The following BET1 variants were observed in gnomAD, a reference collection of about 807,000 sequenced individuals.
BET1 encodes Bet1 golgi vesicular membrane trafficking protein, also known as BET1 homolog.
BET1 carries 9 observed loss-of-function variants against 13.9 expected under a neutral mutation model. The observed-to-expected ratio is 0.65, with a 90% CI of 0.39 to 1.13. The LOEUF is 1.13. BET1 is among the 50% of genes most tolerant of loss of function. The pLI, the probability that BET1 is intolerant of heterozygous loss-of-function variation, is 0.01. For missense variants in BET1, 127 were observed against 133.6 expected, an observed-to-expected ratio of 0.95 and a Z score of 0.24; for synonymous variants, 39 against 47.3, an observed-to-expected ratio of 0.82 and a Z score of 0.72.
chr7:93,968,295 A>G (rs971915463), intron 6 of BET1: 1 of 151,886 alleles, frequency 6.6e-6, no homozygotes, highest in Non-Finnish European at 1.5e-5. Context: ...TTTACCAGAC[A>G]AGAATATCCA....
At chr7:93,970,740 G>T (rs1443362240) in intron 6 of BET1, among the ~76,000 whole-genome samples, 2 of 151,608 alleles carry the variant, frequency 1.3e-5, no homozygotes, top group Non-Finnish European at 3.0e-5. Flanking sequence ...GGGAATAAAT[G>T]TGTTAAATAT....
chr7:93,964,193 G>C (rs1318235043), exon 7 of BET1: 1 of 152,040 alleles, frequency 6.6e-6, no homozygotes, highest in Non-Finnish European at 1.5e-5. Context: ...GCATGATGCT[G>C]AGGTTTGAGA....
chr7:93,998,852 G>C (rs1293355069), intron 2 of BET1, among the ~76,000 whole-genome samples: 1 of 136,144 alleles, frequency 7.3e-6, no homozygotes, highest in East Asian at 2.5e-4. Context: ...TAGAAGGCTA[G>C]ATTAAAAAAA....
exon 5 of BET1, chr7:93,975,956 G>T: frequency 8.0e-7 from 1 of 1,256,064 alleles, no homozygotes; most frequent in Non-Finnish European, 1.0e-6. Flanking sequence ...GACATGTCAT[G>T]ATATAATTCT....
At chr7:93,988,950 A>AAT (rs58468732), downstream of BET1, among the ~76,000 whole-genome samples, 429 of 147,790 alleles carry the variant, frequency 2.9e-3, no homozygotes, top group African/African-American at 5.6e-3. Flanking sequence ...TAAACATATA[A>AAT]ATATATATAT....
At chr7:93,971,333 T>G (rs1399931252) in intron 6 of BET1, among the ~76,000 whole-genome samples, 1 of 151,764 alleles carries the variant, frequency 6.6e-6, no homozygotes, top group Non-Finnish European at 1.5e-5. Flanking sequence ...CTAATAGTCA[T>G]AAATTGACTT....
intron 5 of BET1, among the ~76,000 whole-genome samples, chr7:93,974,556 G>GA (rs760410387): frequency 2.0e-5 from 3 of 151,886 alleles, no homozygotes; most frequent in East Asian, 3.9e-4. Context: ...TTTACAAAAA[G>GA]AAAAAATGTA....
Position 94,004,281 on chromosome 7 carries a change from C to A in BET1, c.-65G>T, listed in dbSNP as rs938138121. 1 of 1,606,650 alleles carries A rather than the reference C, an allele frequency of 6.2e-7. No individual in the cohort carries two copies. Among genetic ancestry groups the A allele is most frequent in the African/African-American group, 1.3e-5 (1 of 74,690 alleles). The stretch of plus-strand genomic sequence containing the variant: ...TGGGTGAGTAGGAAACAGCTAGGGG[C>A]GACCCGGACCGCGTCTTCAGTACCA... On this transcript the variant is annotated 5_prime_UTR_variant, in exon 1 of 4. Coordinates refer to ENST00000222547, the MANE Select transcript of BET1 (RefSeq NM_005868.6).
At chr7:94,000,278 T>C (rs2116142175) in intron 1 of BET1, 1 of 151,960 alleles carries the variant, frequency 6.6e-6, no homozygotes, top group Admixed American at 6.5e-5. Flanking sequence ...CTAATTTTTT[T>C]TTTTTTTGTA....
intron 4 of BET1, among the ~76,000 whole-genome samples, chr7:93,982,436 T>C (rs986522449): frequency 2.6e-5 from 4 of 152,150 alleles, no homozygotes; most frequent in Admixed American, 2.6e-4. Flanking sequence ...AGCTGCCCCT[T>C]ACTTTATGAA....
downstream of BET1, chr7:93,992,999 A>G (rs1795669661): frequency 1.0e-6 from 1 of 985,088 alleles, no homozygotes; most frequent in South Asian, 4.7e-5. Flanking sequence ...AATAGAACCC[A>G]AACTGACAGG....
At chr7:93,979,529 A>AT (rs1795392515) in intron 4 of BET1, among the ~76,000 whole-genome samples, 1 of 152,058 alleles carries the variant, frequency 6.6e-6, no homozygotes, top group African/African-American at 2.4e-5. Flanking sequence ...CCTTCTCCCC[A>AT]TGACACATCA....
At chr7:93,990,144 T>C (rs1795604454), downstream of BET1, among the ~76,000 whole-genome samples, 1 of 151,884 alleles carries the variant, frequency 6.6e-6, no homozygotes, top group African/African-American at 2.4e-5. Context: ...AAAAGATCTT[T>C]GAAGAAACTA....
chr7:93,977,615 C>T (rs1414206926), intron 4 of BET1, among the ~76,000 whole-genome samples: 1 of 151,970 alleles, frequency 6.6e-6, no homozygotes, highest in South Asian at 2.1e-4. Flanking sequence ...CTCAGCTCTC[C>T]GTTTCTCTCT....
chr7:94,004,181 C>T lies in BET1; in HGVS notation c.19+17G>A, dbSNP rs768359701. Reference sequence around the variant, plus strand: ...GGTTCTAGGGCCCCGAACTTCGAACCTCAGCCCTCTTCTTACCCAGGCCTG... The same window carrying T: ...GGTTCTAGGGCCCCGAACTTCGAACTTCAGCCCTCTTCTTACCCAGGCCTG... On this transcript the variant is annotated intron_variant, in intron 1 of 3. Coordinates refer to ENST00000222547, the MANE Select transcript of BET1 (RefSeq NM_005868.6). 30 of 1,614,026 alleles carry T rather than the reference C, an allele frequency of 1.9e-5. No homozygotes were observed. The highest frequency in any genetic ancestry group is 2.5e-5 in the Non-Finnish European group (30 of 1,179,912).
downstream of BET1, among the ~76,000 whole-genome samples, chr7:93,991,502 T>C (rs971937949): frequency 2.6e-5 from 4 of 152,222 alleles, no homozygotes; most frequent in Non-Finnish European, 5.9e-5. Flanking sequence ...GTTTCAGTGC[T>C]GTCACAATAG....
chr7:93,998,310 G>A (rs1391069124), intron 2 of BET1, among the ~76,000 whole-genome samples: 1 of 152,168 alleles, frequency 6.6e-6, no homozygotes, highest in Non-Finnish European at 1.5e-5. Flanking sequence ...TATTCTAAAC[G>A]AGGACTGTGG....
chr7:93,998,704 A>G (rs1162193048), intron 2 of BET1, among the ~76,000 whole-genome samples: 2 of 152,032 alleles, frequency 1.3e-5, no homozygotes, highest in African/African-American at 2.4e-5. Flanking sequence ...CATCTCAAAA[A>G]AAAAGAAAAG....
intron 1 of BET1, chr7:93,999,829 A>C (rs1398217785): frequency 2.5e-6 from 1 of 392,442 alleles, no homozygotes; most frequent in African/African-American, 2.1e-5. Context: ...AAAGAGACAC[A>C]ATAACTTATG....
Sources: allele counts gnomAD v4.1 joint callset (sites outside exome capture counted in the v4.1 genomes callset), GRCh38; gene constraint gnomAD v4.1.1; transcripts MANE v1.5; gene names NCBI Gene and HGNC (gene_info 2026-07-23, HGNC 2026-07-21).